Variants in FNDC3A observed in about 807,000 individuals in gnomAD.
The protein encoded by FNDC3A is fibronectin type-III domain-containing protein 3A.
A neutral mutation model predicts 148.9 loss-of-function variants in FNDC3A; 32 were observed. The ratio of observed to expected loss-of-function variants is 0.21; its 90% CI spans 0.16 to 0.29. The LOEUF is 0.29. Ranked by LOEUF, FNDC3A falls within the 10% of genes least tolerant of loss-of-function variation. The pLI is 1.00. For missense variants in FNDC3A, 1,191 were observed against 1,452.8 expected, an observed-to-expected ratio of 0.82 and a Z score of 2.93; for synonymous variants, 472 against 473.6, an observed-to-expected ratio of 1.00 and a Z score of 0.04.
chr13:49,182,720 T>G (rs192143580), intron 14 of FNDC3A, among the ~76,000 whole-genome samples: 36 of 152,294 alleles, frequency 2.4e-4, no homozygotes, highest in African/African-American at 8.2e-4. Flanking sequence ...TAACTACTTT[T>G]ATGTTCCATC....
At chr13:49,142,895 T>G (rs1882769434) in intron 7 of FNDC3A, among the ~76,000 whole-genome samples, 1 of 152,202 alleles carries the variant, frequency 6.6e-6, no homozygotes, top group East Asian at 1.9e-4. Context: ...AGTCTTGCTC[T>G]TTCACCCAGG....
chr13:48,983,441 G>A (rs1566172739), intron 1 of FNDC3A, among the ~76,000 whole-genome samples: 4 of 152,136 alleles, frequency 2.6e-5, no homozygotes, highest in Non-Finnish European at 5.9e-5. Context: ...TAGGCATTGT[G>A]GACCATATGG....
chr13:49,166,847 T>C lies in FNDC3A; in HGVS notation c.978-397T>C, dbSNP rs1047745204. 3.3e-5 allele frequency among the ~76,000 whole-genome samples: 5 copies of C among 152,236 alleles called. No individual in the cohort carries two copies. The South Asian group carries it at 1.0e-3, about 31-fold the overall frequency. ...AGTTCCACATTATTTTCTAATAAAA[T>C]AGTGGCAGAGTCCTTGTAAAAAATT... is the stretch of plus-strand genomic sequence containing the variant. On this transcript the variant is annotated intron_variant, in intron 8 of 25. Transcript: ENST00000492622.
chr13:49,165,614 A>G (rs140795633), intron 8 of FNDC3A, among the ~76,000 whole-genome samples: 1 of 152,140 alleles, frequency 6.6e-6, no homozygotes, highest in African/African-American at 2.4e-5. Flanking sequence ...CATGAGTACC[A>G]GTGTTAGCAA....
intron 2 of FNDC3A, among the ~76,000 whole-genome samples, chr13:49,031,942 C>T (rs1424308329): frequency 2.6e-5 from 4 of 152,120 alleles, no homozygotes; most frequent in South Asian, 2.1e-4. Context: ...AGAACTCTTA[C>T]TTCTTCTAAA....
Position 49,168,644 on chromosome 13 carries a change from A to C in FNDC3A, c.1069A>C (p.Thr357Pro). ...GGCAGAATATAATTCTATAAAGGGA[A>C]CTCCTTCAGAGGCTGAAATCTTTAC... is the stretch of plus-strand genomic sequence containing the variant. ...VQAEYNSIKGTPSEAEIFTTL... is the reference protein window; with the variant it reads ...VQAEYNSIKGPPSEAEIFTTL... Residue 357 changes from threonine to proline, a missense_variant, in exon 10 of 26, where the codon ACT (threonine) becomes CCT (proline). This residue lies in a region of FNDC3A where 426 missense variants were observed against 473.2 expected (regional missense o/e 0.90). Coordinates refer to ENST00000492622, the MANE Select transcript of FNDC3A (RefSeq NM_001079673.2). The C allele has an allele frequency of 6.2e-7, 1 of 1,610,764 alleles. No homozygotes were observed. The highest frequency in any genetic ancestry group is 8.5e-7 in the Non-Finnish European group (1 of 1,177,076).
chr13:49,164,654 G>C (rs1356485065), intron 8 of FNDC3A, among the ~76,000 whole-genome samples: 1 of 151,568 alleles, frequency 6.6e-6, no homozygotes, highest in Non-Finnish European at 1.5e-5. Context: ...TGTTGCCCAG[G>C]CTGGAGTGCT....
chr13:49,025,362 C>T (rs1873626814), intron 2 of FNDC3A, among the ~76,000 whole-genome samples: 1 of 151,880 alleles, frequency 6.6e-6, no homozygotes, highest in South Asian at 2.1e-4. Flanking sequence ...TTTCTTTTTT[C>T]AAGATTTCAG....
At chr13:49,178,277 T>C (rs1885130390) in intron 13 of FNDC3A, among the ~76,000 whole-genome samples, 1 of 152,234 alleles carries the variant, frequency 6.6e-6, no homozygotes, top group Non-Finnish European at 1.5e-5. Context: ...GAAGTTACCA[T>C]TGGCTCCAAC....
intron 4 of FNDC3A, among the ~76,000 whole-genome samples, chr13:49,128,583 T>A (rs1334989776): frequency 6.6e-6 from 1 of 152,148 alleles, no homozygotes; most frequent in African/African-American, 2.4e-5. Flanking sequence ...ACACTAGATT[T>A]TATCACTCTT....
chr13:49,015,963 A>G (rs868261009), intron 2 of FNDC3A, among the ~76,000 whole-genome samples: 1,618 of 144,382 alleles, frequency 0.011, 10 homozygotes, highest in Non-Finnish European at 0.015. Flanking sequence ...CCACTTGATC[A>G]TGGTGGATAA....
intron 2 of FNDC3A, among the ~76,000 whole-genome samples, chr13:49,046,958 G>A (rs116162330): frequency 1.1e-3 from 167 of 152,074 alleles, no homozygotes; most frequent in African/African-American, 3.3e-3. Context: ...CATCATCCGA[G>A]CAGTGTACAC....
At chr13:49,121,697 C>T (rs1350935585) in intron 4 of FNDC3A, among the ~76,000 whole-genome samples, 1 of 152,080 alleles carries the variant, frequency 6.6e-6, no homozygotes, top group African/African-American at 2.4e-5. Context: ...ATACAAACTA[C>T]CATCAGGGAA....
intron 23 of FNDC3A, 120 bp downstream of exon 23, chr13:49,198,694 G>T (rs1159730382): frequency 4.0e-6 from 3 of 756,414 alleles, no homozygotes; most frequent in Non-Finnish European, 6.5e-6. Context: ...CACTTTGGGA[G>T]GCTGAGGCAG....
intron 2 of FNDC3A, among the ~76,000 whole-genome samples, chr13:49,020,243 A>G (rs1490590373): frequency 6.6e-6 from 1 of 152,208 alleles, no homozygotes. Flanking sequence ...TTGTAATATC[A>G]GATTAAAAAA....
chr13:49,012,215 G>A (rs1163762188), intron 2 of FNDC3A, among the ~76,000 whole-genome samples: 1 of 151,874 alleles, frequency 6.6e-6, no homozygotes, highest in Admixed American at 6.6e-5. Context: ...ATGGGTTCAT[G>A]CCATTCTCCT....
chr13:49,064,165 A>G (rs1333447574), intron 2 of FNDC3A, among the ~76,000 whole-genome samples: 1 of 151,916 alleles, frequency 6.6e-6, no homozygotes, highest in African/African-American at 2.4e-5. Context: ...ACATGGTGAA[A>G]CCCCGTCTTT....
chr13:49,187,285 C>T, intron 16 of FNDC3A, 95 bp downstream of exon 16: 1 of 1,046,762 alleles, frequency 9.6e-7, no homozygotes, highest in Non-Finnish European at 1.4e-6. Flanking sequence ...TTTCTTTCTT[C>T]TTGCTTTTCA....
At chr13:49,176,893 T>C (rs1291667572) in intron 13 of FNDC3A, among the ~76,000 whole-genome samples, 1 of 152,156 alleles carries the variant, frequency 6.6e-6, no homozygotes, top group Non-Finnish European at 1.5e-5. Flanking sequence ...CTTGAACTCC[T>C]GGGCTCAGGC....
Sources: allele counts gnomAD v4.1 joint callset (sites outside exome capture counted in the v4.1 genomes callset), GRCh38; gene constraint gnomAD v4.1.1; regional missense constraint gnomAD v4.1.1; transcripts MANE v1.5; gene names NCBI Gene and HGNC (gene_info 2026-07-23, HGNC 2026-07-21).